Variants in RUBCN observed in about 807,000 individuals in gnomAD.
RUBCN encodes run domain Beclin-1-interacting and cysteine-rich domain-containing protein.
Under a neutral mutation model 113.2 loss-of-function variants are expected in RUBCN, and 74 were observed. The ratio of observed to expected loss-of-function variants is 0.65; its 90% CI spans 0.54 to 0.79. RUBCN has a LOEUF of 0.79. Ranked by LOEUF, RUBCN falls within the 30% of genes least tolerant of loss-of-function variation. The pLI is 0.00. For synonymous variants in RUBCN, 480 were observed against 490.0 expected (o/e 0.98, Z 0.27); for missense variants, 1,109 against 1,251.7 (o/e 0.89, Z 1.72).
intron 1 of RUBCN, among the ~76,000 whole-genome samples, chr3:197,746,939 T>G (rs1416533582): frequency 1.3e-5 from 2 of 152,066 alleles, no homozygotes; most frequent in African/African-American, 2.4e-5. Context: ...TTTTTTTTTT[T>G]TAATCCCCAG....
chr3:197,674,915 A>G lies in RUBCN; in HGVS notation c.*103T>C, dbSNP rs1051557511. 1 of 989,332 alleles carries G rather than the reference A, an allele frequency of 1.0e-6. No individual in the cohort carries two copies. Among genetic ancestry groups the G allele is most frequent in the Non-Finnish European group, 1.4e-6 (1 of 705,878 alleles). The allele number at this position is 989,332 out of a possible 1,614,324, so 61.3% of individuals were successfully genotyped here. On this transcript the variant is annotated 3_prime_UTR_variant, in exon 20 of 20. Coordinates refer to ENST00000296343, the MANE Select transcript of RUBCN (RefSeq NM_014687.4). ...AAAAAAGATGATGATAATTAAAAAA[A>G]AAAAAAAAAAAAGAAGCCCCAGGTG...
intron 7 of RUBCN, among the ~76,000 whole-genome samples, chr3:197,697,463 T>C (rs1045419640): frequency 6.6e-6 from 1 of 152,222 alleles, no homozygotes; most frequent in African/African-American, 2.4e-5. Flanking sequence ...ATCTTGACAT[T>C]AGGTTTTAAA....
In RUBCN at chr3:197,718,014, A is replaced by G. The variant is rs1051286497; in HGVS notation, c.182T>C (p.Met61Thr). The G allele has an allele frequency of 1.9e-6, 3 of 1,614,010 alleles. No homozygotes were observed. The highest frequency in any genetic ancestry group is 1.7e-6 in the Non-Finnish European group (2 of 1,180,042). ...YGGLERLCRDMQSILYHGLIR... is the reference protein window; with the variant it reads ...YGGLERLCRDTQSILYHGLIR... ...AAGCCCGTGATAGAGGATGCTCTGCATGTCCCTGCAAAGCCGCTCCAAGCC... is the reference window on the plus strand; with the variant it reads ...AAGCCCGTGATAGAGGATGCTCTGCGTGTCCCTGCAAAGCCGCTCCAAGCC... The change falls in exon 2 of 20, where the codon ATG becomes ACG. Residue 61 changes from methionine to threonine, a missense_variant. Physicochemically the swap from Met to Thr is moderately conservative, Grantham distance 81. Coordinates refer to ENST00000296343, the MANE Select transcript of RUBCN (RefSeq NM_014687.4).
chr3:197,729,243 TTTTTG>T (rs143795892), intron 1 of RUBCN, among the ~76,000 whole-genome samples: 16,896 of 151,854 alleles, frequency 0.11, 1,126 homozygotes, highest in African/African-American at 0.18. Context: ...GCTTTTGTTT[TTTTTG>T]TTTTGTTTTG....
At chr3:197,696,903 G>C (rs770338643) in intron 8 of RUBCN, 51 bp downstream of exon 8, 2 of 971,298 alleles carry the variant, frequency 2.1e-6, no homozygotes, top group Admixed American at 1.7e-5. Context: ...CAGGCACAAG[G>C]GGTGAGCAGA....
intron 1 of RUBCN, among the ~76,000 whole-genome samples, chr3:197,730,365 G>A (rs1346620874): frequency 2.0e-5 from 3 of 152,056 alleles, no homozygotes; most frequent in Admixed American, 6.6e-5. Context: ...AGTCAGCCCC[G>A]GGATTTTTGC....
chr3:197,729,200 A>G (rs1727118118), intron 1 of RUBCN, among the ~76,000 whole-genome samples: 1 of 151,676 alleles, frequency 6.6e-6, no homozygotes, highest in Non-Finnish European at 1.5e-5. Context: ...CATGGAAAAT[A>G]TTCTGTTTTC....
rs1195354909 is a variant in RUBCN at position 197,673,578 on chromosome 3, G to A, written c.*1440C>T. The stretch of plus-strand genomic sequence containing the variant: ...CACTCTGACCAGTGTTTTCACAGAG[G>A]TTAGAAGCTGCATCAACTTAAGGAA... On this transcript the variant is annotated 3_prime_UTR_variant, in exon 20 of 20. Transcript: ENST00000296343. 1 of 152,270 alleles carries A rather than the reference G, an allele frequency of 6.6e-6. No homozygotes were observed. The highest frequency in any genetic ancestry group is 2.4e-5 in the African/African-American group (1 of 41,440). 9.4% of individuals were successfully genotyped at this position (152,270 alleles called of 1,614,324 possible). A position where few individuals can be genotyped will look rare whatever the true frequency, so the allele number is the denominator to read the frequency against.
chr3:197,691,925 A>G (rs1327857696), intron 11 of RUBCN, among the ~76,000 whole-genome samples: 1 of 152,032 alleles, frequency 6.6e-6, no homozygotes, highest in African/African-American at 2.4e-5. Context: ...AGAATTCCTA[A>G]AATTCTTGGA....
chr3:197,726,787 G>A (rs1358262408), intron 1 of RUBCN, among the ~76,000 whole-genome samples: 3 of 151,842 alleles, frequency 2.0e-5, no homozygotes, highest in South Asian at 2.1e-4. Flanking sequence ...TGATCCGCCC[G>A]CCTCAGCCTC....
intron 7 of RUBCN, among the ~76,000 whole-genome samples, 189 bp from the exon 8 acceptor site, chr3:197,697,238 A>G (rs1723116830): frequency 6.6e-6 from 1 of 152,204 alleles, no homozygotes; most frequent in Non-Finnish European, 1.5e-5. Flanking sequence ...GCAGGTCAGT[A>G]CATTCTAAGT....
At chr3:197,691,675 C>T (rs918153032) in intron 11 of RUBCN, among the ~76,000 whole-genome samples, 1 of 152,132 alleles carries the variant, frequency 6.6e-6, no homozygotes, top group African/African-American at 2.4e-5. Flanking sequence ...GCCTCTCTCT[C>T]GGCAGGCTCC....
chr3:197,736,677 C>T lies in RUBCN; in HGVS notation c.43G>A (p.Glu15Lys). 6.5e-7 allele frequency: 1 copy of T among 1,532,458 alleles called. No individual in the cohort carries two copies. Among genetic ancestry groups the T allele is most frequent in the South Asian group, 1.2e-5 (1 of 83,890 alleles). The allele number at this position is 1,532,458 out of a possible 1,614,324, so 94.9% of individuals were successfully genotyped here. A position where few individuals can be genotyped will look rare whatever the true frequency, so the allele number is the denominator to read the frequency against. Residue 15 changes from glutamate to lysine, a missense_variant, in exon 1 of 20, where the codon GAG (glutamate) becomes AAG (lysine). Around this residue, in one of 3 missense-constraint regions of RUBCN, gnomAD observed 736 missense variants for 779.6 expected, o/e 0.94. Transcript: ENST00000296343. The stretch of plus-strand genomic sequence containing the variant: ...CACCTGCTCTCCTCAGGCAGGCGCT[C>T]CTCGCCGCCTCCGAGCTCCATTCCC... ...GAGMELGGGE[E>K]RLPEESRREH...
At chr3:197,737,122 T>C (rs930502843), upstream of RUBCN, 1 of 257,762 alleles carries the variant, frequency 3.9e-6, no homozygotes, top group South Asian at 5.6e-5. Flanking sequence ...CACCCGGTGG[T>C]TGGCTGGGCC....
At chr3:197,727,002 C>T (rs1397718830) in intron 1 of RUBCN, among the ~76,000 whole-genome samples, 3 of 146,024 alleles carry the variant, frequency 2.1e-5, no homozygotes, top group South Asian at 2.1e-4. Flanking sequence ...GGCAGTGGTG[C>T]GATCTCAGCT....
intron 5 of RUBCN, 39 bp downstream of exon 5, chr3:197,703,509 G>A (rs371538685): frequency 2.2e-6 from 3 of 1,377,886 alleles, no homozygotes; most frequent in African/African-American, 2.9e-5. Flanking sequence ...GAGCTCCAGG[G>A]ACCCAGCATA....
intron 1 of RUBCN, among the ~76,000 whole-genome samples, chr3:197,720,249 G>A (rs886322974): frequency 4.6e-5 from 7 of 152,030 alleles, no homozygotes; most frequent in African/African-American, 7.3e-5. Flanking sequence ...TTAGATTACC[G>A]AGTAATAGCA....
rs1723538727 is a variant in RUBCN, at chr3:197,700,636, C to A, written c.1238G>T (p.Ser413Ile). Residue 413 changes from serine to isoleucine, a missense_variant, in exon 7 of 20, where the codon AGC becomes ATC. Around this residue, in one of 3 missense-constraint regions of RUBCN, gnomAD observed 736 missense variants for 779.6 expected, o/e 0.94. Coordinates refer to ENST00000296343, the MANE Select transcript of RUBCN (RefSeq NM_014687.4). Reference protein sequence around the residue: ...KSHIRSHSDTSIASRGAPESC... With the variant: ...KSHIRSHSDTIIASRGAPESC... ...ACCTGGAGCTCCCCTGGAGGCAATG[C>A]TGGTATCCGAATGGGAGCGAATGTG... 1 of 1,614,116 alleles carries A rather than the reference C, an allele frequency of 6.2e-7. No homozygotes were observed. Among genetic ancestry groups the A allele is most frequent in the Non-Finnish European group, 8.5e-7 (1 of 1,180,012 alleles).
chr3:197,680,993 G>A, intron 16 of RUBCN, 136 bp downstream of exon 16: 1 of 625,818 alleles, frequency 1.6e-6, no homozygotes, highest in Non-Finnish European at 2.9e-6. Flanking sequence ...AGGGGACAAG[G>A]AGAGGAGACG....
Sources: gnomAD v4.1 joint callset for allele counts (sites outside exome capture counted in the v4.1 genomes callset) on GRCh38, gnomAD v4.1.1 for gene constraint, gnomAD v4.1.1 regional missense constraint, MANE v1.5 for transcripts, NCBI Gene and HGNC (gene_info 2026-07-23, HGNC 2026-07-21) for gene names.